Variants in KANSL1 observed in about 807,000 individuals in gnomAD.
KANSL1 encodes the protein KAT8 regulatory NSL complex subunit 1.
KANSL1 carries 22 observed loss-of-function variants against 103.6 expected under a neutral mutation model. The ratio of observed to expected loss-of-function variants is 0.21; its 90% CI spans 0.15 to 0.30. The LOEUF is 0.30. Ranked by LOEUF, KANSL1 falls within the 10% of genes least tolerant of loss-of-function variation. KANSL1 has a pLI of 1.00. For synonymous variants in KANSL1, 600 were observed against 527.6 expected (o/e 1.14, Z -1.88); for missense variants, 1,337 against 1,399.8 (o/e 0.96, Z 0.72).
At chr17:46,184,667 G>A (rs567790649) in intron 1 of KANSL1, among the ~76,000 whole-genome samples, 2 of 152,086 alleles carry the variant, frequency 1.3e-5, no homozygotes, top group Admixed American at 6.5e-5. Context: ...ACTCTTTCAC[G>A]GTTCAGCTCA....
intron 4 of KANSL1, among the ~76,000 whole-genome samples, chr17:46,078,069 G>C (rs75325528): frequency 0.029 from 4,344 of 152,182 alleles, 215 homozygotes; most frequent in African/African-American, 0.099. Context: ...TTCCTAAAGA[G>C]TGTTGATTTT....
intron 2 of KANSL1, among the ~76,000 whole-genome samples, chr17:46,102,345 G>C (rs948849540): frequency 1.3e-5 from 2 of 152,166 alleles, no homozygotes; most frequent in Non-Finnish European, 2.9e-5. Context: ...TGCCTCTCGG[G>C]TTCAAGTGAT....
intron 4 of KANSL1, among the ~76,000 whole-genome samples, chr17:46,075,922 T>G (rs926208168): frequency 5.3e-5 from 8 of 152,132 alleles, no homozygotes; most frequent in Non-Finnish European, 1.2e-4. Flanking sequence ...CATCCTTCCC[T>G]AGGAAACTAC....
chr17:46,089,071 T>C (rs1295688039), intron 3 of KANSL1, among the ~76,000 whole-genome samples: 4 of 152,248 alleles, frequency 2.6e-5, no homozygotes, highest in African/African-American at 9.6e-5. Context: ...CCTCTGAAGA[T>C]TTATTCTGAT....
intron 7 of KANSL1, chr17:46,042,239 T>C (rs754963224): frequency 1.3e-4 from 20 of 152,188 alleles, no homozygotes; most frequent in Non-Finnish European, 2.6e-4. Context: ...TATGGGGTTT[T>C]GGGTCCCATA....
At chr17:46,113,386 G>T (rs1249031765) in intron 2 of KANSL1, among the ~76,000 whole-genome samples, 4 of 152,218 alleles carry the variant, frequency 2.6e-5, no homozygotes, top group African/African-American at 9.6e-5. Context: ...CAAGGGAGAA[G>T]TTTAAGCCAT....
chr17:46,069,904 C>CT (rs895976401), intron 4 of KANSL1, among the ~76,000 whole-genome samples: 4 of 149,568 alleles, frequency 2.7e-5, no homozygotes, highest in Non-Finnish European at 6.0e-5. Flanking sequence ...AAAAGGCTGT[C>CT]TTTTTTGTTG....
At chr17:46,143,803 C>CAAAAAAAA (rs57361021) in intron 2 of KANSL1, among the ~76,000 whole-genome samples, 39 of 85,524 alleles carry the variant, frequency 4.6e-4, no homozygotes, top group Middle Eastern at 0.014. Flanking sequence ...GACTCCATCT[C>CAAAAAAAA]AAAAAAAAAA....
At chr17:46,165,218 CTTTTT>C (rs68072864) in intron 2 of KANSL1, among the ~76,000 whole-genome samples, 1 of 152,048 alleles carries the variant, frequency 6.6e-6, no homozygotes, top group Non-Finnish European at 1.5e-5. Context: ...GTAAGAGTTA[CTTTTT>C]TTTATTTTTA....
chr17:46,201,588 C>T (rs907742514), intron 1 of KANSL1, among the ~76,000 whole-genome samples: 3 of 152,018 alleles, frequency 2.0e-5, no homozygotes, highest in Non-Finnish European at 4.4e-5. Flanking sequence ...TTGTATAAAA[C>T]TGGTCGGTTG....
At chr17:46,144,147 T>C (rs1347896967) in intron 2 of KANSL1, among the ~76,000 whole-genome samples, 2 of 152,224 alleles carry the variant, frequency 1.3e-5, no homozygotes, top group Non-Finnish European at 2.9e-5. Flanking sequence ...ATACTACTAC[T>C]ATCATTCTGA....
At chr17:46,197,894 C>G (rs2047666731), upstream of KANSL1, among the ~76,000 whole-genome samples, 1 of 152,228 alleles carries the variant, frequency 6.6e-6, no homozygotes, top group South Asian at 2.1e-4. Context: ...AATTCCTAAA[C>G]AGAATAATCT....
intron 2 of KANSL1, among the ~76,000 whole-genome samples, chr17:46,137,483 C>T (rs535097755): frequency 2.0e-5 from 3 of 152,202 alleles, no homozygotes; most frequent in Non-Finnish European, 4.4e-5. Context: ...AGCAGCCAAT[C>T]AATATCTATT....
At chr17:46,199,128 A>G (rs2047710901) in intron 1 of KANSL1, among the ~76,000 whole-genome samples, 2 of 152,362 alleles carry the variant, frequency 1.3e-5, no homozygotes, top group South Asian at 4.1e-4. Flanking sequence ...TGTAGAAGGA[A>G]TATGTTCAGC....
chr17:46,175,978 G>A (rs1278525619), intron 1 of KANSL1, among the ~76,000 whole-genome samples: 1 of 152,034 alleles, frequency 6.6e-6, no homozygotes, highest in Non-Finnish European at 1.5e-5. Flanking sequence ...ATATGCAAAG[G>A]GTTTTTCCCA....
chr17:46,157,913 G>A (rs1033890309), intron 2 of KANSL1, among the ~76,000 whole-genome samples: 3 of 152,208 alleles, frequency 2.0e-5, no homozygotes, highest in Non-Finnish European at 4.4e-5. Flanking sequence ...AAATATGCTG[G>A]GAGAGTGCCA....
chr17:46,051,323 T>C (rs1476270073), intron 6 of KANSL1, among the ~76,000 whole-genome samples: 1 of 152,216 alleles, frequency 6.6e-6, no homozygotes, highest in Non-Finnish European at 1.5e-5. Context: ...ACCTAAGTAA[T>C]AAAATAACAT....
chr17:46,107,327 T>C (rs1417379978), intron 2 of KANSL1, among the ~76,000 whole-genome samples: 2 of 152,218 alleles, frequency 1.3e-5, no homozygotes, highest in Non-Finnish European at 2.9e-5. Flanking sequence ...ACTGTTTCTT[T>C]AACACAGGGT....
chr17:46,033,187 C>A lies in KANSL1; in HGVS notation c.2730G>T (p.Glu910Asp). ...CGGCGAAGGCTGCGTCGGATAGGTC[C>A]TCAATCTGCAATAGAGCAGCTTCAT... is the stretch of plus-strand genomic sequence containing the variant. ...GSPDEENEEIEDLSDAAFAAL... is the reference protein window; with the variant it reads ...GSPDEENEEIDDLSDAAFAAL... The change falls in exon 13 of 15, where the codon GAG (glutamate) becomes GAT (aspartate). Residue 910 changes from glutamate (E) to aspartate (D), a missense_variant. Glu to Asp is a conservative substitution (Grantham distance 45, BLOSUM62 2). This residue lies in a region of KANSL1 where 780 missense variants were observed against 923.4 expected (regional missense o/e 0.84). Coordinates refer to ENST00000432791, the MANE Select transcript of KANSL1 (RefSeq NM_015443.4). 1 of 1,597,072 alleles carries A rather than the reference C, an allele frequency of 6.3e-7. No individual in the cohort carries two copies.
Sources: gnomAD v4.1 joint callset for allele counts (sites outside exome capture counted in the v4.1 genomes callset) on GRCh38, gnomAD v4.1.1 for gene constraint, gnomAD v4.1.1 regional missense constraint, MANE v1.5 for transcripts, NCBI Gene and HGNC (gene_info 2026-07-23, HGNC 2026-07-21) for gene names.